The following TENM2 variants were observed in gnomAD, a reference collection of about 807,000 sequenced individuals.
TENM2 encodes the protein teneurin-2.
A neutral mutation model predicts 245.2 loss-of-function variants in TENM2; 52 were observed. That is an observed-to-expected ratio of 0.21 (90% CI 0.17 to 0.27). The LOEUF is 0.27. Among genes scored for constraint, TENM2 ranks in the 10% least tolerant of loss-of-function variants. The probability of loss-of-function intolerance (pLI) is 1.00; values close to 1 mark genes in which losing one functional copy is unlikely to be tolerated. For missense variants in TENM2, 3,046 were observed against 3,666.8 expected (o/e 0.83, Z 4.37); for synonymous variants, 1,363 against 1,438.9 (o/e 0.95, Z 1.19).
At chr5:166,991,437 A>T in the TENM2 span, among the ~76,000 whole-genome samples, 3 of 151,916 alleles carry the variant, frequency 2.0e-5, no homozygotes, top group Non-Finnish European at 4.4e-5. Context: ...AATTGCAGTT[A>T]TCCTTGTTTC....
exon 7 of TENM2, chr5:168,062,210 A>G: frequency 6.2e-7 from 1 of 1,613,908 alleles, no homozygotes; most frequent in South Asian, 1.1e-5. Flanking sequence ...TCCCTCGGGA[A>G]GGACGCTCTC....
intron 2 of TENM2, among the ~76,000 whole-genome samples, chr5:167,441,918 T>C (rs1764901402): frequency 6.6e-6 from 1 of 152,230 alleles, no homozygotes; most frequent in African/African-American, 2.4e-5. Context: ...ATCTGGTGTC[T>C]TCTTTGCCAC....
intron 5 of TENM2, among the ~76,000 whole-genome samples, chr5:168,016,741 T>A (rs1378119985): frequency 6.6e-6 from 1 of 152,220 alleles, no homozygotes; most frequent in Non-Finnish European, 1.5e-5. Flanking sequence ...TCGGATAGAA[T>A]GGCGCTGGAA....
intron 2 of TENM2, among the ~76,000 whole-genome samples, chr5:167,759,836 A>C (rs2150700601): frequency 6.6e-6 from 1 of 152,362 alleles, no homozygotes; most frequent in Non-Finnish European, 1.5e-5. Flanking sequence ...TAGTTTACAA[A>C]GGTGCTGACA....
At chr5:167,029,186 T>C in the TENM2 span, among the ~76,000 whole-genome samples, 32 of 152,198 alleles carry the variant, frequency 2.1e-4, no homozygotes, top group African/African-American at 7.5e-4. Context: ...TAGGATTCAT[T>C]TCCTGATGAC....
At chr5:167,324,729 G>C (rs552552773) in intron 1 of TENM2, among the ~76,000 whole-genome samples, 6 of 151,922 alleles carry the variant, frequency 3.9e-5, no homozygotes, top group Non-Finnish European at 7.4e-5. Flanking sequence ...TGTTTTTAGT[G>C]GTATTTGCAA....
At chr5:167,850,544 A>T (rs993500416) in intron 2 of TENM2, among the ~76,000 whole-genome samples, 8 of 152,236 alleles carry the variant, frequency 5.3e-5, no homozygotes, top group East Asian at 1.9e-4. Flanking sequence ...TTCAAAATTT[A>T]AAATGAGAAA....
chr5:167,641,550 C>G (rs1469759181), intron 2 of TENM2, among the ~76,000 whole-genome samples: 1 of 152,126 alleles, frequency 6.6e-6, no homozygotes, highest in Non-Finnish European at 1.5e-5. Context: ...AACAATCCTT[C>G]TGGAATTGAC....
chr5:167,702,418 A>G (rs979449310), intron 2 of TENM2, among the ~76,000 whole-genome samples: 5 of 151,856 alleles, frequency 3.3e-5, no homozygotes, highest in African/African-American at 1.2e-4. Flanking sequence ...TGTCTTGCCA[A>G]CACACTTGCT....
At chr5:167,405,755 A>AACACACACAAACAC (rs1391915696) in intron 2 of TENM2, among the ~76,000 whole-genome samples, 60 of 91,550 alleles carry the variant, frequency 6.6e-4, no homozygotes, top group African/African-American at 2.2e-3. Flanking sequence ...GTGCAATTCA[A>AACACACACAAACAC]ACACACACAC....
intron 2 of TENM2, among the ~76,000 whole-genome samples, chr5:167,799,331 C>T (rs1405799422): frequency 6.6e-6 from 1 of 152,284 alleles, no homozygotes; most frequent in South Asian, 2.1e-4. Context: ...TCTCTTTAGT[C>T]CTTCAGATGA....
In TENM2 at chr5:167,769,026, T is replaced by G. The variant is rs187407313; in HGVS notation, c.503-106960T>G. Among the ~76,000 whole-genome samples the G allele has an allele frequency of 6.7e-3, 1,016 of 152,302 alleles. 5 individuals are homozygous for G. Among genetic ancestry groups the G allele is most frequent in the South Asian group, 0.038 (184 of 4,826 alleles). ...ACTTTACAGTTAAATCAACAGAAAG[T>G]TGTTCAGTTGATGTTGAAAACTATG... On this transcript the variant is annotated intron_variant, in intron 2 of 28. Transcript: ENST00000518659.
At chr5:167,405,160 T>C (rs932331223) in intron 2 of TENM2, among the ~76,000 whole-genome samples, 6 of 152,190 alleles carry the variant, frequency 3.9e-5, no homozygotes, top group Admixed American at 2.6e-4. Context: ...TGTATGAATA[T>C]AGCATGTTTA....
At chr5:168,118,202 C>A in intron 9 of TENM2, 90 bp from the exon 12 acceptor site, 1 of 1,136,714 alleles carries the variant, frequency 8.8e-7, no homozygotes, top group Non-Finnish European at 1.2e-6. Context: ...AGCCAAGCCC[C>A]AAGGCCAGAC....
chr5:167,807,616 A>AATTT (rs1766308020), intron 2 of TENM2, among the ~76,000 whole-genome samples: 1 of 25,446 alleles, frequency 3.9e-5, no homozygotes, highest in Admixed American at 3.2e-4. Flanking sequence ...TAATAAATGC[A>AATTT]TTTTTTTTAA....
At chr5:168,228,850 A>C (rs1261884618) in intron 25 of TENM2, among the ~76,000 whole-genome samples, 1 of 148,632 alleles carries the variant, frequency 6.7e-6, no homozygotes, top group Non-Finnish European at 1.5e-5. Context: ...ATATAACATT[A>C]ATTATATTAT....
At chr5:167,939,448 G>A (rs1378436460) in intron 3 of TENM2, among the ~76,000 whole-genome samples, 1 of 152,104 alleles carries the variant, frequency 6.6e-6, no homozygotes, top group Non-Finnish European at 1.5e-5. Flanking sequence ...AGGGGTTGGG[G>A]ACCCCTGCTT....
chr5:167,637,239 TAAAA>T (rs1779260239), intron 2 of TENM2, among the ~76,000 whole-genome samples: 1 of 152,174 alleles, frequency 6.6e-6, no homozygotes, highest in Admixed American at 6.5e-5. Context: ...ATGCTAGTAT[TAAAA>T]AGAGAATTAT....
At chr5:167,541,743 G>A (rs1772226228) in intron 2 of TENM2, among the ~76,000 whole-genome samples, 1 of 152,038 alleles carries the variant, frequency 6.6e-6, no homozygotes. Context: ...ATACCTCCAA[G>A]GAGCATTAAT....
Sources: allele counts gnomAD v4.1 joint callset (sites outside exome capture counted in the v4.1 genomes callset), GRCh38; gene constraint gnomAD v4.1.1; transcripts MANE v1.5; gene names NCBI Gene and HGNC (gene_info 2026-07-23, HGNC 2026-07-21).